Variants in USP10 observed in about 807,000 individuals in gnomAD.
The protein encoded by USP10 is ubiquitin carboxyl-terminal hydrolase 10.
USP10 carries 22 observed loss-of-function variants against 84.5 expected under a neutral mutation model. The ratio of observed to expected loss-of-function variants is 0.26; its 90% CI spans 0.19 to 0.37. USP10 has a LOEUF of 0.37. Ranked by LOEUF, USP10 falls within the 10% of genes least tolerant of loss-of-function variation. The pLI is 1.00. For missense variants in USP10, 1,019 were observed against 998.9 expected, an observed-to-expected ratio of 1.02 and a Z score of -0.27; for synonymous variants, 454 against 387.6, an observed-to-expected ratio of 1.17 and a Z score of -2.01.
chr16:84,735,787 C>T (rs919026347), intron 2 of USP10, among the ~76,000 whole-genome samples: 32 of 152,076 alleles, frequency 2.1e-4, no homozygotes, highest in African/African-American at 7.5e-4. Flanking sequence ...TTTTAACATA[C>T]GGTGAAGTTT....
intron 11 of USP10, among the ~76,000 whole-genome samples, chr16:84,769,393 G>A (rs182854841): frequency 3.9e-5 from 6 of 152,300 alleles, no homozygotes; most frequent in East Asian, 3.9e-4. Flanking sequence ...ATCTTCTACC[G>A]TATTTGCAGA....
intron 1 of USP10, among the ~76,000 whole-genome samples, chr16:84,706,665 G>A (rs995675246): frequency 2.6e-5 from 4 of 151,302 alleles, no homozygotes; most frequent in East Asian, 1.9e-4. Context: ...CTCAGCCTCC[G>A]GAGTAGCTGG....
intron 12 of USP10, among the ~76,000 whole-genome samples, chr16:84,772,987 G>A (rs1012980910): frequency 6.6e-6 from 1 of 152,174 alleles, no homozygotes; most frequent in African/African-American, 2.4e-5. Flanking sequence ...GAATGGTGCA[G>A]TTTGCCTTCC....
intron 13 of USP10, 144 bp downstream of exon 13, chr16:84,775,369 T>C: frequency 1.4e-6 from 1 of 730,150 alleles, no homozygotes; most frequent in South Asian, 1.6e-5. Context: ...GGGAGTCACG[T>C]GAGAGTTTTA....
intron 1 of USP10, among the ~76,000 whole-genome samples, chr16:84,706,536 A>AT (rs1290063596): frequency 2.0e-5 from 3 of 147,630 alleles, no homozygotes. Flanking sequence ...ATTTATATAT[A>AT]TTTTTATATA....
chr16:84,757,691 A>T (rs1218907680), intron 4 of USP10, among the ~76,000 whole-genome samples: 1 of 152,054 alleles, frequency 6.6e-6, no homozygotes, highest in Non-Finnish European at 1.5e-5. Flanking sequence ...TTTGTGGGTT[A>T]TATGATTAGT....
chr16:84,729,101 C>A (rs1252591636), intron 1 of USP10, among the ~76,000 whole-genome samples: 1 of 152,170 alleles, frequency 6.6e-6, no homozygotes, highest in South Asian at 2.1e-4. Context: ...TCTGGCCAAG[C>A]AACACTTTGT....
chr16:84,772,536 C>A lies in USP10; in HGVS notation c.1999-5C>A. 6.2e-7 allele frequency: 1 copy of A among 1,613,536 alleles called. No homozygotes were observed. Among genetic ancestry groups the A allele is most frequent in the South Asian group, 1.1e-5 (1 of 91,060 alleles). On this transcript the variant is annotated splice_region_variant and splice_polypyrimidine_tract_variant and intron_variant, in intron 11 of 13. Coordinates refer to ENST00000219473, the MANE Select transcript of USP10 (RefSeq NM_005153.3). Reference sequence around the variant, plus strand: ...CGGTGTGTCCTGGTGTGCTTTGTGTCTTAGGTTGAGATAAGTCGAAGAGTG... The same window carrying A: ...CGGTGTGTCCTGGTGTGCTTTGTGTATTAGGTTGAGATAAGTCGAAGAGTG...
intron 1 of USP10, among the ~76,000 whole-genome samples, chr16:84,704,161 TTTTGTTTGTTTG>T (rs979795583): frequency 6.6e-6 from 1 of 152,186 alleles, no homozygotes; most frequent in Non-Finnish European, 1.5e-5. Context: ...TGTTTCGGTT[TTTTGTTTGTTTG>T]TTTGTTTTTA....
chr16:84,706,682 A>C (rs953485064), intron 1 of USP10, among the ~76,000 whole-genome samples: 1 of 151,984 alleles, frequency 6.6e-6, no homozygotes, highest in Non-Finnish European at 1.5e-5. Context: ...CTGGGAATAC[A>C]GGTGTGCGCC....
At position 84,768,338 on chromosome 16, in the gene USP10, A is replaced by G. The variant is rs1914078451; in HGVS notation, c.1978A>G (p.Thr660Ala). The G allele has an allele frequency of 6.2e-7, 1 of 1,605,022 alleles. No individual in the cohort carries two copies. Among genetic ancestry groups the G allele is most frequent in the Non-Finnish European group, 8.5e-7 (1 of 1,175,054 alleles). ...GGCAAGAGAATCTGTCCAAGGTTAT[A>G]CCACAAAAACCAAACAAGAGGTATG... is the stretch of plus-strand genomic sequence containing the variant. ...LVARESVQGY[T>A]TKTKQEVEIS... Residue 660 changes from threonine to alanine, a missense_variant, in exon 11 of 14, where the codon ACC becomes GCC. By Grantham distance (58) the Thr-to-Ala change is moderately conservative. This residue lies in a region of USP10 where 232 missense variants were observed against 290.1 expected (regional missense o/e 0.80). Transcript: ENST00000219473.
intron 1 of USP10, among the ~76,000 whole-genome samples, chr16:84,720,296 A>G (rs1907613221): frequency 6.6e-6 from 1 of 152,218 alleles, no homozygotes; most frequent in Admixed American, 6.5e-5. Context: ...GTCCGGTTCC[A>G]GCGTATTTTA....
intron 4 of USP10, among the ~76,000 whole-genome samples, chr16:84,752,725 T>G (rs1311278143): frequency 2.0e-5 from 3 of 152,198 alleles, no homozygotes; most frequent in Non-Finnish European, 4.4e-5. Flanking sequence ...GCACCCCTGT[T>G]TTTTTCACTG....
intron 10 of USP10, among the ~76,000 whole-genome samples, chr16:84,767,071 A>G (rs1354456372): frequency 6.6e-6 from 1 of 152,152 alleles, no homozygotes; most frequent in East Asian, 1.9e-4. Context: ...AACCAGGGGA[A>G]CTGTTGTCAC....
intron 1 of USP10, among the ~76,000 whole-genome samples, chr16:84,724,243 A>G (rs1171627001): frequency 6.6e-6 from 1 of 152,160 alleles, no homozygotes; most frequent in East Asian, 1.9e-4. Context: ...GAAAGTTGGT[A>G]AAAGTGGGTT....
At position 84,764,364 on chromosome 16, in the gene USP10, G is replaced by C. The variant is rs568663357; in HGVS notation, c.1832+101G>C. ...AGGCTTGTTTTGAGACTTCTTGGACGTAATGGTTTGCATCTTGCTCCCCTG... is the reference window on the plus strand; with the variant it reads ...AGGCTTGTTTTGAGACTTCTTGGACCTAATGGTTTGCATCTTGCTCCCCTG... On this transcript the variant is annotated intron_variant, in intron 10 of 13. Coordinates refer to ENST00000219473, the MANE Select transcript of USP10 (RefSeq NM_005153.3). 87 of 1,478,262 alleles carry C rather than the reference G, an allele frequency of 5.9e-5. 2 individuals are homozygous for C. In the South Asian group the frequency reaches 8.5e-4, roughly 14 times the overall value. The allele number at this position is 1,478,262 out of a possible 1,614,324, so 91.6% of individuals were successfully genotyped here. A position where few individuals can be genotyped will look rare whatever the true frequency, so the allele number is the denominator to read the frequency against.
At chr16:84,747,008 C>T (rs1911303512) in intron 4 of USP10, among the ~76,000 whole-genome samples, 1 of 152,168 alleles carries the variant, frequency 6.6e-6, no homozygotes, top group South Asian at 2.1e-4. Flanking sequence ...TAGCCTGGGC[C>T]TGCACAGGGT....
chr16:84,777,677 CCTCT>C (rs1412468257), intron 13 of USP10, among the ~76,000 whole-genome samples: 142 of 152,354 alleles, frequency 9.3e-4, no homozygotes, highest in African/African-American at 3.3e-3. Flanking sequence ...TAAGCACTGT[CCTCT>C]AGCCAGCCAA....
chr16:84,706,002 A>G (rs527970493), intron 1 of USP10, among the ~76,000 whole-genome samples: 2 of 152,184 alleles, frequency 1.3e-5, no homozygotes, highest in East Asian at 3.9e-4. Flanking sequence ...GATTACAGGC[A>G]TGAGCCACTG....
Sources: gnomAD v4.1 joint callset for allele counts (sites outside exome capture counted in the v4.1 genomes callset) on GRCh38, gnomAD v4.1.1 for gene constraint, gnomAD v4.1.1 regional missense constraint, MANE v1.5 for transcripts, NCBI Gene and HGNC (gene_info 2026-07-23, HGNC 2026-07-21) for gene names.